The following RAB1A variants were observed in gnomAD, a reference collection of about 807,000 sequenced individuals.
RAB1A encodes ras-related protein Rab-1A.
A neutral mutation model predicts 26.0 loss-of-function variants in RAB1A; 2 were observed. That is an observed-to-expected ratio of 0.08 (90% CI 0.03 to 0.24). The LOEUF is 0.24. RAB1A is among the 10% of genes least tolerant of loss of function. The probability of loss-of-function intolerance (pLI) is 1.00; values close to 1 mark genes in which losing one functional copy is unlikely to be tolerated. For missense variants in RAB1A, 100 were observed against 247.0 expected (o/e 0.40, Z 3.99); for synonymous variants, 84 against 84.9 (o/e 0.99, Z 0.06).
intron 1 of RAB1A, among the ~76,000 whole-genome samples, chr2:65,122,304 T>C (rs995430210): frequency 3.3e-5 from 5 of 151,684 alleles, no homozygotes; most frequent in African/African-American, 1.2e-4. Context: ...TCCCAGCACT[T>C]TGGGAAGCTG....
At chr2:65,122,986 A>G (rs1412515836) in intron 1 of RAB1A, among the ~76,000 whole-genome samples, 2 of 150,876 alleles carry the variant, frequency 1.3e-5, no homozygotes, top group Non-Finnish European at 3.0e-5. Flanking sequence ...AAAAAAAAAA[A>G]AAAAAAAAAG....
chr2:65,128,413 T>G (rs1670154037), intron 1 of RAB1A, among the ~76,000 whole-genome samples: 1 of 152,174 alleles, frequency 6.6e-6, no homozygotes, highest in Non-Finnish European at 1.5e-5. Flanking sequence ...GAACCTCAAG[T>G]TCACCTCCGT....
intron 1 of RAB1A, among the ~76,000 whole-genome samples, chr2:65,114,737 C>T (rs1267101785): frequency 3.3e-5 from 5 of 151,570 alleles, no homozygotes; most frequent in South Asian, 2.1e-4. Flanking sequence ...CCCAGCTACT[C>T]GGGAGGCTGA....
At position 65,103,748 on chromosome 2, in the gene RAB1A, T is replaced by C. The variant is rs192568578; in HGVS notation, c.96+986A>G. On this transcript the variant is annotated intron_variant, in intron 2 of 5. Transcript: ENST00000409784. The stretch of plus-strand genomic sequence containing the variant: ...GTCCATGCTCTGAGAAACAATGATC[T>C]CTAGAAGGGAAACATGCTAATTTGT... Among the ~76,000 whole-genome samples, 16 of 152,192 alleles carry C rather than the reference T, an allele frequency of 1.1e-4. No homozygotes were observed. In the East Asian group the frequency reaches 2.9e-3, roughly 27 times the overall value.
intron 1 of RAB1A, among the ~76,000 whole-genome samples, chr2:65,113,305 G>A (rs1240026280): frequency 6.6e-6 from 1 of 152,126 alleles, no homozygotes; most frequent in Non-Finnish European, 1.5e-5. Flanking sequence ...GCTGATGTAT[G>A]TACCTACGCC....
intron 1 of RAB1A, among the ~76,000 whole-genome samples, chr2:65,125,427 T>C (rs910201733): frequency 1.6e-4 from 23 of 145,880 alleles, no homozygotes; most frequent in East Asian, 2.0e-4. Flanking sequence ...TTCTTTCTTT[T>C]TTTTTTTTTT....
chr2:65,119,643 G>C (rs1573088777), intron 1 of RAB1A, among the ~76,000 whole-genome samples: 1 of 150,626 alleles, frequency 6.6e-6, no homozygotes, highest in South Asian at 2.1e-4. Flanking sequence ...CTAGCACCCA[G>C]AACCTGACCA....
intron 1 of RAB1A, among the ~76,000 whole-genome samples, chr2:65,128,054 G>T (rs1262205599): frequency 6.6e-6 from 1 of 152,030 alleles, no homozygotes; most frequent in Non-Finnish European, 1.5e-5. Context: ...CTTCTTAAGC[G>T]CAAGGATTAT....
chr2:65,097,504 G>T (rs1669317182), intron 3 of RAB1A, among the ~76,000 whole-genome samples: 1 of 152,158 alleles, frequency 6.6e-6, no homozygotes, highest in South Asian at 2.1e-4. Context: ...ACAAAATTCT[G>T]TGTTTCTACA....
chr2:65,102,879 T>C (rs902141437), intron 2 of RAB1A, among the ~76,000 whole-genome samples: 2 of 151,642 alleles, frequency 1.3e-5, no homozygotes, highest in South Asian at 2.1e-4. Flanking sequence ...TGAGCCGAGA[T>C]TGTGCCACTG....
chr2:65,114,059 G>T, intron 1 of RAB1A: 1 of 352,890 alleles, frequency 2.8e-6, no homozygotes, highest in Admixed American at 3.4e-5. Flanking sequence ...TTACTTCTAA[G>T]TAGGTAGAGT....
At chr2:65,104,880 A>C (rs749212922) in intron 1 of RAB1A, 74 bp from the exon 2 acceptor site, 4 of 1,201,958 alleles carry the variant, frequency 3.3e-6, no homozygotes, top group Admixed American at 1.7e-5. Flanking sequence ...AAACAAAAAC[A>C]CAGCTACAAA....
At chr2:65,120,370 C>T (rs1319006399) in intron 1 of RAB1A, among the ~76,000 whole-genome samples, 11 of 147,488 alleles carry the variant, frequency 7.5e-5, no homozygotes, top group Non-Finnish European at 8.9e-5. Flanking sequence ...GCAGGAGAAT[C>T]ACTTGAACCT....
rs1553392772 is a variant in RAB1A at position 65,103,304 on chromosome 2, A to AAAAAAAAACAAAAAAAC, written c.96+1429_96+1430insGTTTTTTTGTTTTTTTT. Among the ~76,000 whole-genome samples, 29 of 112,534 alleles carry AAAAAAAAACAAAAAAAC rather than the reference A, an allele frequency of 2.6e-4. 5 individuals carry two copies. The East Asian group carries it at 3.1e-3, about 12-fold the overall frequency. 73.8% of individuals were successfully genotyped at this position (112,534 alleles called of 152,430 possible). Reference sequence around the variant, plus strand: ...AACACAGCCAGAATCTGTCTCAAAAAAAAAAAAAAACATTGTTTTATGTGA... The same window carrying AAAAAAAAACAAAAAAAC: ...AACACAGCCAGAATCTGTCTCAAAAAAAAAAAAACAAAAAAACAAAAAAAAAACATTGTTTTATGTGA... On this transcript the variant is annotated intron_variant, in intron 2 of 5. Coordinates refer to ENST00000409784, the MANE Select transcript of RAB1A (RefSeq NM_004161.5).
Position 65,098,836 on chromosome 2 carries a change from C to CTTT in RAB1A, c.97-773_97-771dup, listed in dbSNP as rs70943624. On this transcript the variant is annotated intron_variant, in intron 2 of 5. Coordinates refer to ENST00000409784, the MANE Select transcript of RAB1A (RefSeq NM_004161.5). ...CATGTTGTACCATGTAACAGTACTT[C>CTTT]TTTTTTTTTTTTTTTTTGAGGCAGG... 2.1e-4 allele frequency among the ~76,000 whole-genome samples: 22 copies of CTTT among 103,390 alleles called. 1 individual carries two copies. The highest frequency in any genetic ancestry group is 3.0e-4 in the Non-Finnish European group (16 of 54,034). 67.8% of individuals were successfully genotyped at this position (103,390 alleles called of 152,430 possible).
At chr2:65,095,516 C>CTTT (rs35819441) in intron 3 of RAB1A, among the ~76,000 whole-genome samples, 24 of 125,918 alleles carry the variant, frequency 1.9e-4, no homozygotes, top group Non-Finnish European at 2.8e-4. Context: ...CACCTGGTTA[C>CTTT]TTTTTTTTTT....
In RAB1A at chr2:65,087,093, C is replaced by T. The variant is rs910936046; in HGVS notation, c.*1400G>A. On this transcript the variant is annotated 3_prime_UTR_variant, in exon 6 of 6. Coordinates refer to ENST00000409784, the MANE Select transcript of RAB1A (RefSeq NM_004161.5). ...TGTTGCCAGCAGCCATATCCCAAGC[C>T]CCTGCGTGAAGAATGTTTTGGCTGC... 5 of 152,100 alleles carry T rather than the reference C, an allele frequency of 3.3e-5. No homozygotes were observed. The highest frequency in any genetic ancestry group is 1.2e-4 in the African/African-American group (5 of 41,408). The allele number at this position is 152,100 out of a possible 1,614,324, so 9.4% of individuals were successfully genotyped here.
rs1196932788 is a variant in RAB1A, at chr2:65,088,587, C to T, written c.524G>A (p.Arg175Gln). ...FMTMAAEIKK[R>Q]MGPGATAGGA... ...ACCAGCTGTTGCTCCGGGACCCATT[C>T]GCTTTTTAATCTCAGCTGCCATCGT... The change falls in exon 6 of 6, where the codon CGA becomes CAA. Residue 175 changes from arginine (R) to glutamine (Q), a missense_variant. Transcript: ENST00000409784. 8 of 1,613,556 alleles carry T rather than the reference C, an allele frequency of 5.0e-6. No individual in the cohort carries two copies. Among genetic ancestry groups the T allele is most frequent in the African/African-American group, 2.7e-5 (2 of 74,916 alleles).
At chr2:65,122,392 C>CAAA (rs11413874) in intron 1 of RAB1A, among the ~76,000 whole-genome samples, 25 of 133,882 alleles carry the variant, frequency 1.9e-4, no homozygotes, top group African/African-American at 5.3e-4. Context: ...ACAAAAAATA[C>CAAA]AAAAAAAAAA....
Sources: gnomAD v4.1 joint callset for allele counts (sites outside exome capture counted in the v4.1 genomes callset) on GRCh38, gnomAD v4.1.1 for gene constraint, MANE v1.5 for transcripts, NCBI Gene and HGNC (gene_info 2026-07-23, HGNC 2026-07-21) for gene names.